Variants in NLGN1 observed in about 807,000 individuals in gnomAD.
NLGN1 encodes the protein neuroligin-1.
Under a neutral mutation model 65.5 loss-of-function variants are expected in NLGN1, and 12 were observed. The observed-to-expected ratio is 0.18, with a 90% confidence interval of 0.12 to 0.30. The LOEUF (loss-of-function observed/expected upper bound fraction) is 0.30. Among genes scored for constraint, NLGN1 ranks in the 10% least tolerant of loss-of-function variants. The pLI is 1.00. For synonymous variants in NLGN1, 350 were observed against 359.5 expected (o/e 0.97, Z 0.30); for missense variants, 750 against 1,007.1 (o/e 0.74, Z 3.46).
At chr3:174,061,468 G>C (rs1488888879) in intron 4 of NLGN1, among the ~76,000 whole-genome samples, 1 of 152,126 alleles carries the variant, frequency 6.6e-6, no homozygotes, top group African/African-American at 2.4e-5. Context: ...AGCAGAGCTA[G>C]AGGGATAAAG....
intron 4 of NLGN1, among the ~76,000 whole-genome samples, chr3:173,946,360 T>G (rs905842918): frequency 6.6e-6 from 1 of 152,162 alleles, no homozygotes; most frequent in Non-Finnish European, 1.5e-5. Flanking sequence ...GTTTTCTTCA[T>G]AGGAAGGTTG....
intron 2 of NLGN1, among the ~76,000 whole-genome samples, chr3:173,555,557 A>G (rs1741570028): frequency 6.6e-6 from 1 of 152,068 alleles, no homozygotes; most frequent in Non-Finnish European, 1.5e-5. Context: ...ACGGCTCGCT[A>G]TGGCCTCAAA....
chr3:174,121,989 C>T (rs1576986015), intron 4 of NLGN1, among the ~76,000 whole-genome samples: 5 of 152,290 alleles, frequency 3.3e-5, no homozygotes, highest in Admixed American at 2.6e-4. Flanking sequence ...CGCTCTCCTC[C>T]ATCTATTCTT....
At chr3:173,537,666 C>T (rs1476924707) in intron 2 of NLGN1, among the ~76,000 whole-genome samples, 1 of 152,196 alleles carries the variant, frequency 6.6e-6, no homozygotes, top group Non-Finnish European at 1.5e-5. Flanking sequence ...GCAAGCACCT[C>T]AGCTAGCTGT....
Position 174,221,857 on chromosome 3 carries a change from A to C in NLGN1, c.647-53458A>C, listed in dbSNP as rs1314466352. Among the ~76,000 whole-genome samples the C allele has an allele frequency of 2.0e-5, 3 of 150,692 alleles. No individual in the cohort carries two copies. The East Asian group carries it at 5.9e-4, about 29-fold the overall frequency. ...CTGCGTCATTCCAATCTCTTCCTCC[A>C]TTATCACATGGACTTCTCTGTGTCT... On this transcript the variant is annotated intron_variant, in intron 4 of 6. Coordinates refer to ENST00000457714, the Ensembl canonical transcript of NLGN1.
At chr3:173,510,123 A>G (rs978864021) in intron 2 of NLGN1, among the ~76,000 whole-genome samples, 2 of 152,234 alleles carry the variant, frequency 1.3e-5, no homozygotes, top group Non-Finnish European at 2.9e-5. Flanking sequence ...GGATTTAAAT[A>G]TCTTCCAAAT....
chr3:173,448,139 C>G (rs1720736592), intron 2 of NLGN1, among the ~76,000 whole-genome samples: 2 of 152,034 alleles, frequency 1.3e-5, no homozygotes, highest in African/African-American at 4.8e-5. Flanking sequence ...TGTCTTGTGC[C>G]AGTTTTCAAA....
At chr3:174,009,609 C>T (rs188014010) in intron 4 of NLGN1, among the ~76,000 whole-genome samples, 52 of 152,234 alleles carry the variant, frequency 3.4e-4, no homozygotes, top group Middle Eastern at 3.4e-3. Flanking sequence ...ACATTCTTAA[C>T]CACACAGTAA....
At chr3:173,482,675 T>C (rs1158335542) in intron 2 of NLGN1, among the ~76,000 whole-genome samples, 1 of 151,896 alleles carries the variant, frequency 6.6e-6, no homozygotes, top group Non-Finnish European at 1.5e-5. Flanking sequence ...ACGATGACAG[T>C]TGGGCAGAGA....
intron 2 of NLGN1, among the ~76,000 whole-genome samples, chr3:173,549,851 A>G (rs576218625): frequency 1.3e-5 from 2 of 152,202 alleles, no homozygotes; most frequent in South Asian, 4.1e-4. Context: ...TGCTCACTCT[A>G]TTATGGAAGT....
At chr3:174,218,529 A>G (rs1050378626) in intron 4 of NLGN1, among the ~76,000 whole-genome samples, 1 of 152,048 alleles carries the variant, frequency 6.6e-6, no homozygotes, top group African/African-American at 2.4e-5. Flanking sequence ...TAGCTCTTAC[A>G]GCCTTGAGAA....
At chr3:173,506,747 A>G (rs926183057) in intron 2 of NLGN1, among the ~76,000 whole-genome samples, 15 of 152,136 alleles carry the variant, frequency 9.9e-5, no homozygotes, top group Non-Finnish European at 2.1e-4. Context: ...ACATTCTGGG[A>G]CAATGACTTG....
chr3:173,705,506 C>T (rs181218454), intron 3 of NLGN1, among the ~76,000 whole-genome samples: 1 of 152,162 alleles, frequency 6.6e-6, no homozygotes, highest in East Asian at 1.9e-4. Flanking sequence ...TGAAACACAC[C>T]TGAGATTTTT....
At chr3:174,029,581 C>CTGTTGGGAA (rs2152470569) in intron 4 of NLGN1, among the ~76,000 whole-genome samples, 1 of 152,208 alleles carries the variant, frequency 6.6e-6, no homozygotes, top group South Asian at 2.1e-4. Context: ...CCTTGGGGGA[C>CTGTTGGGAA]TGTTGGGAAG....
intron 3 of NLGN1, among the ~76,000 whole-genome samples, chr3:173,718,000 AT>A (rs1483693382): frequency 6.6e-6 from 1 of 152,146 alleles, no homozygotes; most frequent in Non-Finnish European, 1.5e-5. Flanking sequence ...CACTCTACAT[AT>A]TTTTTAGTGT....
chr3:173,462,438 T>C (rs1192930775), intron 2 of NLGN1, among the ~76,000 whole-genome samples: 1 of 152,182 alleles, frequency 6.6e-6, no homozygotes, highest in Non-Finnish European at 1.5e-5. Context: ...AATGCTTTTG[T>C]TCCTCTTGCT....
intron 3 of NLGN1, among the ~76,000 whole-genome samples, chr3:173,723,352 C>G (rs1200419899): frequency 1.3e-5 from 2 of 152,124 alleles, no homozygotes; most frequent in Admixed American, 6.5e-5. Context: ...TGGCACAATA[C>G]TTTCTAATCA....
intron 4 of NLGN1, among the ~76,000 whole-genome samples, chr3:174,211,153 A>G (rs1420371594): frequency 6.6e-6 from 1 of 152,214 alleles, no homozygotes; most frequent in South Asian, 2.1e-4. Flanking sequence ...GTGAACCCAA[A>G]GAGTGAGAAG....
At chr3:173,435,907 T>A (rs1301318671) in intron 2 of NLGN1, among the ~76,000 whole-genome samples, 2 of 152,158 alleles carry the variant, frequency 1.3e-5, no homozygotes, top group African/African-American at 4.8e-5. Flanking sequence ...AAGGCTGACA[T>A]CATTTTTAAT....
Sources: allele counts gnomAD v4.1 joint callset (sites outside exome capture counted in the v4.1 genomes callset), GRCh38; gene constraint gnomAD v4.1.1; transcripts MANE v1.5; gene names NCBI Gene and HGNC (gene_info 2026-07-23, HGNC 2026-07-21).